Variants in LONP1 observed in about 807,000 individuals in gnomAD.
LONP1 encodes lon protease homolog, mitochondrial.
Under a neutral mutation model 98.5 loss-of-function variants are expected in LONP1, and 31 were observed. The ratio of observed to expected loss-of-function variants is 0.31; its 90% CI spans 0.24 to 0.42. The LOEUF is 0.42. Among genes scored for constraint, LONP1 ranks in the 20% least tolerant of loss-of-function variants. The probability of loss-of-function intolerance (pLI) is 1.00; values close to 1 mark genes in which losing one functional copy is unlikely to be tolerated. For synonymous variants in LONP1, 781 were observed against 594.7 expected (o/e 1.31, Z -4.56); for missense variants, 1,336 against 1,350.6 (o/e 0.99, Z 0.17).
At chr19:5,707,871 C>T in intron 5 of LONP1, 45 bp from the exon 6 acceptor site, 1 of 1,605,972 alleles carries the variant, frequency 6.2e-7, no homozygotes, top group South Asian at 1.1e-5. Context: ...GCCTCACGCT[C>T]TGCTGCAGTG....
Position 5,691,976 on chromosome 19 carries a change from T to TGAGTTCTGGCCCAGACAGGGCCTGACATC in LONP1, c.*55_*56insGATGTCAGGCCCTGTCTGGGCCAGAACTC. On this transcript the variant is annotated 3_prime_UTR_variant, in exon 18 of 18. Transcript: ENST00000360614. ...GGTCCGGGCGCGCTCCCCACAGCGC[T>TGAGTTCTGGCCCAGACAGGGCCTGACATC]CAGTTCTGGCCCAGACAGGGCCTGA... The TGAGTTCTGGCCCAGACAGGGCCTGACATC allele has an allele frequency of 6.5e-7, 1 of 1,536,484 alleles. No individual in the cohort carries two copies. The highest frequency in any genetic ancestry group is 8.8e-7 in the Non-Finnish European group (1 of 1,135,666).
chr19:5,705,726 A>G (rs970854578), intron 8 of LONP1, 46 bp downstream of exon 8: 3 of 1,570,636 alleles, frequency 1.9e-6, no homozygotes, highest in African/African-American at 2.7e-5. Context: ...ATGGGGGCTG[A>G]GGAGGGGTCA....
At chr19:5,715,124 C>G (rs1304885470) in intron 1 of LONP1, 1 of 150,692 alleles carries the variant, frequency 6.6e-6, no homozygotes, top group Non-Finnish European at 1.5e-5. Flanking sequence ...AACTGACCAG[C>G]TGGATTCTTC....
At chr19:5,706,917 G>A (rs1391893690) in intron 7 of LONP1, 143 bp downstream of exon 7, 4 of 657,116 alleles carry the variant, frequency 6.1e-6, no homozygotes, top group East Asian at 2.7e-5. Flanking sequence ...ATGATGGCAC[G>A]AAGCCCTCAA....
rs200370203 is a variant in LONP1 at position 5,697,523 on chromosome 19, G to A, written c.1686-766C>T. ...GAGGGAGGAGGGGGGGAGAGAAGAG[G>A]GAGGAGAGGGGGAAGAGGGAGGAGA... On this transcript the variant is annotated intron_variant, in intron 10 of 17. Coordinates refer to ENST00000360614, the MANE Select transcript of LONP1 (RefSeq NM_004793.4). Among the ~76,000 whole-genome samples, 41 of 143,126 alleles carry A rather than the reference G, an allele frequency of 2.9e-4. No homozygotes were observed. In the East Asian group the frequency reaches 7.9e-3, roughly 28 times the overall value. The allele number at this position is 143,126 out of a possible 152,430, so 93.9% of individuals were successfully genotyped here.
chr19:5,700,793 A>G lies in LONP1; in HGVS notation c.1502T>C (p.Ile501Thr), dbSNP rs1460062257. Residue 501 changes from isoleucine to threonine, a missense_variant, in exon 9 of 18, where the codon ATC becomes ACC. Transcript: ENST00000360614. ...HYGMEDVKKR[I>T]LEFIAVSQLR... ...CAGGCCAGACACTGGGCTCACCAGG[A>G]TGCGTTTCTTGACGTCCTCCATGCC... The G allele has an allele frequency of 6.2e-7, 1 of 1,614,124 alleles. No homozygotes were observed. The highest frequency in any genetic ancestry group is 2.2e-5 in the East Asian group (1 of 44,886).
At chr19:5,701,640 G>T (rs1446317422) in intron 8 of LONP1, among the ~76,000 whole-genome samples, 1 of 152,180 alleles carries the variant, frequency 6.6e-6, no homozygotes, top group Non-Finnish European at 1.5e-5. Context: ...GTGCTCAATG[G>T]TGCCCAGGCT....
intron 8 of LONP1, among the ~76,000 whole-genome samples, chr19:5,701,211 C>T (rs895267852): frequency 2.0e-5 from 3 of 152,156 alleles, no homozygotes; most frequent in Non-Finnish European, 4.4e-5. Context: ...TTTGGGAGGC[C>T]GAGGCAGGCG....
rs1002299117 is a variant in LONP1 at position 5,707,762 on chromosome 19, C to T, written c.997G>A (p.Asp333Asn). 4.3e-6 allele frequency: 7 copies of T among 1,613,342 alleles called. No individual in the cohort carries two copies. The highest frequency in any genetic ancestry group is 5.9e-6 in the Non-Finnish European group (7 of 1,179,926). Residue 333 changes from aspartate (D) to asparagine (N), a missense_variant, in exon 6 of 18, where the codon GAC (aspartate) becomes AAC (asparagine). By Grantham distance (23) the Asp-to-Asn change is conservative. Transcript: ENST00000360614. ...RVVDNPIYLS[D>N]MGAALTGAES... is the part of the protein sequence containing the mutation. ...GCCCCGGTGAGCGCGGCGCCCATGTCGCTCAGGTAGATGGGGTTGTCCACC... is the reference window on the plus strand; with the variant it reads ...GCCCCGGTGAGCGCGGCGCCCATGTTGCTCAGGTAGATGGGGTTGTCCACC...
chr19:5,712,053 G>T, intron 3 of LONP1, 51 bp from the exon 4 acceptor site: 1 of 1,497,422 alleles, frequency 6.7e-7, no homozygotes, highest in South Asian at 1.2e-5. Context: ...CTGGGAGCTG[G>T]ACCCGGCTGA....
intron 5 of LONP1, 43 bp downstream of exon 5, chr19:5,708,299 C>A: frequency 6.3e-7 from 1 of 1,590,654 alleles, no homozygotes; most frequent in South Asian, 1.1e-5. Context: ...GAAAGAGCTG[C>A]AGAGATGCCC....
intron 6 of LONP1, 141 bp from the exon 7 acceptor site, chr19:5,707,284 GC>G: frequency 1.5e-6 from 1 of 681,238 alleles, no homozygotes; most frequent in Non-Finnish European, 2.6e-6. Context: ...AGGCATGTGT[GC>G]CCTCTGCCCC....
intron 10 of LONP1, among the ~76,000 whole-genome samples, chr19:5,696,974 T>C (rs1029731048): frequency 2.0e-5 from 3 of 152,168 alleles, no homozygotes; most frequent in African/African-American, 7.2e-5. Context: ...CTGGGGTCAC[T>C]GATTCAAAGC....
chr19:5,699,222 G>A lies in LONP1; in HGVS notation c.1507-17C>T, dbSNP rs2054997807. On this transcript the variant is annotated splice_polypyrimidine_tract_variant and intron_variant, in intron 9 of 17. Transcript: ENST00000360614. ...AATGAACTCCTGCAGACAGAGGCAG[G>A]TTCAGTGGGCACGTGAGCTGGGGAA... is the stretch of plus-strand genomic sequence containing the variant. The A allele has an allele frequency of 1.4e-6, 2 of 1,480,616 alleles. No homozygotes were observed. The highest frequency in any genetic ancestry group is 2.3e-5 in the Admixed American group (1 of 43,660). The allele number at this position is 1,480,616 out of a possible 1,614,324, so 91.7% of individuals were successfully genotyped here. A position where few individuals can be genotyped will look rare whatever the true frequency, so the allele number is the denominator to read the frequency against.
intron 11 of LONP1, 29 bp downstream of exon 11, chr19:5,696,641 A>T (rs752552069): frequency 6.2e-7 from 1 of 1,603,768 alleles, no homozygotes; most frequent in Non-Finnish European, 8.5e-7. Flanking sequence ...TTGCCGGGTT[A>T]GGGGGTCTCC....
intron 11 of LONP1, 60 bp from the exon 12 acceptor site, chr19:5,696,431 G>T (rs919092900): frequency 1.1e-5 from 17 of 1,574,292 alleles, no homozygotes; most frequent in Non-Finnish European, 1.4e-5. Flanking sequence ...CCGCCCAGTG[G>T]GGAGACCCCA....
intron 2 of LONP1, among the ~76,000 whole-genome samples, chr19:5,713,573 T>C (rs901064662): frequency 6.6e-6 from 1 of 152,172 alleles, no homozygotes; most frequent in Non-Finnish European, 1.5e-5. Flanking sequence ...GAACTCTTTT[T>C]TTCTTGAGAT....
chr19:5,699,182 G>A lies in LONP1; in HGVS notation c.1530C>T (p.Leu510=), dbSNP rs1410076327. Residue 510 remains leucine, a synonymous_variant, in exon 10 of 18, where the codon CTC becomes CTT. Coordinates refer to ENST00000360614, the MANE Select transcript of LONP1 (RefSeq NM_004793.4). ...RILEFIAVSQ[L]RGSTQGKILC... The stretch of plus-strand genomic sequence containing the variant: ...GGATCTTGCCCTGGGTGGAGCCGCG[G>A]AGCTGGCTAACGGCAATGAACTCCT... 6.6e-7 allele frequency: 1 copy of A among 1,513,382 alleles called. No homozygotes were observed. Among genetic ancestry groups the A allele is most frequent in the Non-Finnish European group, 8.9e-7 (1 of 1,123,886 alleles). 93.7% of individuals were successfully genotyped at this position (1,513,382 alleles called of 1,614,324 possible). A position where few individuals can be genotyped will look rare whatever the true frequency, so the allele number is the denominator to read the frequency against.
rs1237536013 is a variant in LONP1, at chr19:5,716,253, AATATACAT to A, written c.430-1990_430-1983del. On this transcript the variant is annotated intron_variant, in intron 1 of 17. Transcript: ENST00000360614. ...ATTCTTTATTATATAATAAAGTTAA[AATATACAT>A]ATATATATATATATATATATATATA... Among the ~76,000 whole-genome samples the A allele has an allele frequency of 2.1e-3, 150 of 71,714 alleles. 2 individuals are homozygous for A. Among genetic ancestry groups the A allele is most frequent in the African/African-American group, 3.4e-3 (61 of 17,948 alleles). 47.0% of individuals were successfully genotyped at this position (71,714 alleles called of 152,430 possible).
Sources: allele counts gnomAD v4.1 joint callset (sites outside exome capture counted in the v4.1 genomes callset), GRCh38; gene constraint gnomAD v4.1.1; transcripts MANE v1.5; gene names NCBI Gene and HGNC (gene_info 2026-07-23, HGNC 2026-07-21).